The following USH2A variants were observed in gnomAD, a reference collection of about 807,000 sequenced individuals.
USH2A encodes usherin.
USH2A carries 443 observed loss-of-function variants against 538.9 expected under a neutral mutation model. The ratio of observed to expected loss-of-function variants is 0.82; its 90% confidence interval spans 0.76 to 0.89. USH2A has a LOEUF of 0.89. USH2A is among the 40% of genes least tolerant of loss of function. USH2A has a pLI of 0.00. For missense variants in USH2A, 6,633 were observed against 6,324.8 expected (o/e 1.05, Z -1.65); for synonymous variants, 2,413 against 2,273.5 (o/e 1.06, Z -1.75).
Position 215,799,204 on chromosome 1 carries a change from C to A in USH2A, c.9740-79G>T, listed in dbSNP as rs1662241630. ...ACTAACAATTAACTTTTATCACAAT[C>A]ATCTTGCAGATCCCAACTGATTGAC... On this transcript the variant is annotated intron_variant, in intron 49 of 71. Coordinates refer to ENST00000307340, the MANE Select transcript of USH2A (RefSeq NM_206933.4). 5 of 1,413,436 alleles carry A rather than the reference C, an allele frequency of 3.5e-6. No individual in the cohort carries two copies. In the East Asian group the frequency reaches 1.2e-4, roughly 35 times the overall value. The allele number at this position is 1,413,436 out of a possible 1,614,324, so 87.6% of individuals were successfully genotyped here.
intron 58 of USH2A, 93 bp from the exon 59 acceptor site, chr1:215,743,428 A>ATATGTGTGT (rs1660371912): frequency 6.4e-6 from 2 of 312,616 alleles, no homozygotes; most frequent in African/African-American, 6.0e-5. Flanking sequence ...ATATATATAT[A>ATATGTGTGT]GACACACATA....
At chr1:215,895,778 T>C (rs1200432226) in intron 40 of USH2A, among the ~76,000 whole-genome samples, 2 of 152,232 alleles carry the variant, frequency 1.3e-5, no homozygotes, top group East Asian at 3.9e-4. Flanking sequence ...GAATACATTC[T>C]GACAGATGCA....
chr1:216,164,158 T>C (rs1289087234), intron 21 of USH2A, among the ~76,000 whole-genome samples: 1 of 152,024 alleles, frequency 6.6e-6, no homozygotes, highest in African/African-American at 2.4e-5. Context: ...CATCAGCTAG[T>C]GGAGTGAAAT....
intron 4 of USH2A, among the ~76,000 whole-genome samples, chr1:216,331,040 A>G (rs1214035831): frequency 6.6e-6 from 1 of 152,030 alleles, no homozygotes; most frequent in African/African-American, 2.4e-5. Flanking sequence ...TAAATTTTGG[A>G]GCTTGCAATC....
chr1:215,963,978 GT>G (rs1302590327), intron 37 of USH2A, among the ~76,000 whole-genome samples: 3 of 152,148 alleles, frequency 2.0e-5, no homozygotes, highest in African/African-American at 7.2e-5. Context: ...TACAAGGGCT[GT>G]TCGGTAAATG....
intron 55 of USH2A, among the ~76,000 whole-genome samples, chr1:215,771,554 TG>T (rs1661286249): frequency 9.4e-6 from 1 of 106,516 alleles, no homozygotes; most frequent in Non-Finnish European, 1.7e-5. Flanking sequence ...CACTCCAGCC[TG>T]GGCGACAGAG....
At chr1:215,730,767 C>T (rs1271825789) in intron 60 of USH2A, among the ~76,000 whole-genome samples, 2 of 152,212 alleles carry the variant, frequency 1.3e-5, no homozygotes, top group Non-Finnish European at 2.9e-5. Flanking sequence ...ATAGACACCT[C>T]TCAGTCACCT....
chr1:216,023,879 T>C (rs778106316), intron 32 of USH2A, among the ~76,000 whole-genome samples: 1 of 151,986 alleles, frequency 6.6e-6, no homozygotes, highest in African/African-American at 2.4e-5. Flanking sequence ...ATGCACATAG[T>C]GAAAAATTAA....
At chr1:215,723,484 G>A (rs1372452534) in intron 61 of USH2A, among the ~76,000 whole-genome samples, 1 of 152,226 alleles carries the variant, frequency 6.6e-6, no homozygotes, top group Admixed American at 6.5e-5. Flanking sequence ...GGGCAAGCTA[G>A]TGATGGCACC....
chr1:216,390,256 A>G (rs1415183963), intron 3 of USH2A, among the ~76,000 whole-genome samples: 1 of 152,170 alleles, frequency 6.6e-6, no homozygotes, highest in Non-Finnish European at 1.5e-5. Flanking sequence ...ACTGCCATTC[A>G]CCTAGTCAAA....
intron 47 of USH2A, among the ~76,000 whole-genome samples, chr1:215,836,456 T>TATATATATTATATATATATATA (rs1558119664): frequency 3.0e-4 from 10 of 33,546 alleles, no homozygotes; most frequent in South Asian, 1.3e-3. Flanking sequence ...TGTGTGTGTG[T>TATATATATTATATATATATATA]ATATATATTA....
At chr1:215,979,498 G>A (rs1558192561) in intron 35 of USH2A, among the ~76,000 whole-genome samples, 1 of 152,128 alleles carries the variant, frequency 6.6e-6, no homozygotes, top group Non-Finnish European at 1.5e-5. Context: ...AGAATCACAT[G>A]TAAAATAGAC....
intron 38 of USH2A, among the ~76,000 whole-genome samples, chr1:215,925,155 C>T (rs1666206248): frequency 6.6e-6 from 1 of 151,944 alleles, no homozygotes; most frequent in African/African-American, 2.4e-5. Flanking sequence ...ACACACAAAG[C>T]AGGTTAAACT....
rs544202454 is a variant in USH2A, at chr1:216,041,403, G to A, written c.6325+5028C>T. ...AGAAAAAGAAGAAAAAAAAATCCAA[G>A]CCACCTGGATGCTAAGTGGCTTCTG... On this transcript the variant is annotated intron_variant, in intron 32 of 71. Coordinates refer to ENST00000307340, the MANE Select transcript of USH2A (RefSeq NM_206933.4). Among the ~76,000 whole-genome samples, 32 of 152,186 alleles carry A rather than the reference G, an allele frequency of 2.1e-4. 1 individual carries two copies. In the South Asian group the frequency reaches 6.4e-3, roughly 31 times the overall value.
At chr1:216,405,337 C>A (rs1363534023) in intron 3 of USH2A, among the ~76,000 whole-genome samples, 1 of 152,016 alleles carries the variant, frequency 6.6e-6, no homozygotes, top group Non-Finnish European at 1.5e-5. Flanking sequence ...ATAAAAACAG[C>A]AAGCTACAAA....
chr1:216,070,406 C>T (rs1222134132), intron 29 of USH2A, 114 bp from the exon 30 acceptor site: 1 of 975,064 alleles, frequency 1.0e-6, no homozygotes, highest in East Asian at 2.6e-5. Context: ...AGCATAAATA[C>T]AATTTATTAG....
chr1:216,268,230 C>T (rs2036511962), intron 11 of USH2A, among the ~76,000 whole-genome samples: 1 of 151,964 alleles, frequency 6.6e-6, no homozygotes, highest in Admixed American at 6.6e-5. Context: ...TGAGGAGTGT[C>T]TCCTCAACTA....
At chr1:215,800,415 T>C (rs1259643689) in intron 49 of USH2A, among the ~76,000 whole-genome samples, 2 of 152,218 alleles carry the variant, frequency 1.3e-5, no homozygotes, top group African/African-American at 2.4e-5. Flanking sequence ...GTGAGTATGA[T>C]GACCAATCTG....
chr1:216,286,859 A>C (rs557433915), intron 11 of USH2A, among the ~76,000 whole-genome samples: 1 of 152,328 alleles, frequency 6.6e-6, no homozygotes, highest in Admixed American at 6.5e-5. Context: ...ATGTATTAGA[A>C]TGGGGTAAAC....
Sources: allele counts gnomAD v4.1 joint callset (sites outside exome capture counted in the v4.1 genomes callset), GRCh38; gene constraint gnomAD v4.1.1; transcripts MANE v1.5; gene names NCBI Gene and HGNC (gene_info 2026-07-23, HGNC 2026-07-21).